The following CD84 variants were observed in gnomAD, a reference collection of about 807,000 sequenced individuals.
CD84 encodes the protein CD84 molecule.
CD84 carries 22 observed loss-of-function variants against 33.8 expected under a neutral mutation model. That is an observed-to-expected ratio of 0.65 (90% CI 0.46 to 0.93). CD84 has a LOEUF of 0.93. CD84 is among the 40% of genes least tolerant of loss of function. CD84 has a pLI of 0.00. For missense variants in CD84, 400 were observed against 397.6 expected (o/e 1.01, Z -0.05); for synonymous variants, 154 against 145.2 (o/e 1.06, Z -0.44).
At chr1:160,572,409 G>T (rs1263986669) in intron 1 of CD84, among the ~76,000 whole-genome samples, 1 of 152,166 alleles carries the variant, frequency 6.6e-6, no homozygotes, top group Non-Finnish European at 1.5e-5. Flanking sequence ...AGGAATATTT[G>T]AACGTAGCTG....
At chr1:160,576,211 G>C (rs889502369) in intron 1 of CD84, among the ~76,000 whole-genome samples, 2 of 151,942 alleles carry the variant, frequency 1.3e-5, no homozygotes, top group East Asian at 1.9e-4. Flanking sequence ...TGATGGTTGG[G>C]GTCCAGTTAC....
chr1:160,550,534 T>C, intron 5 of CD84: 1 of 777,106 alleles, frequency 1.3e-6, no homozygotes. Context: ...TCAAGGGAAC[T>C]TGTCTGTCAG....
chr1:160,576,380 G>C (rs1657992830), intron 1 of CD84, among the ~76,000 whole-genome samples: 1 of 152,174 alleles, frequency 6.6e-6, no homozygotes. Flanking sequence ...ATATTAAAGT[G>C]AACGGTATTT....
At chr1:160,552,871 T>G (rs1656328337) in intron 4 of CD84, 1 of 689,048 alleles carries the variant, frequency 1.5e-6, no homozygotes, top group Non-Finnish European at 2.7e-6. Flanking sequence ...AATGATTCCT[T>G]GAGGGTCTAA....
rs2102107369 is a variant in CD84 at position 160,544,639 on chromosome 1, C to T, written c.*3617G>A. 6.6e-6 allele frequency: 1 copy of T among 152,258 alleles called. No individual in the cohort carries two copies. Among genetic ancestry groups the T allele is most frequent in the South Asian group, 2.1e-4 (1 of 4,812 alleles). The allele number at this position is 152,258 out of a possible 1,614,324, so 9.4% of individuals were successfully genotyped here. On this transcript the variant is annotated 3_prime_UTR_variant, in exon 7 of 7. Transcript: ENST00000368054. ...TGGACACGGCCCAAACCAGACAGGC[C>T]CCTTCCTGCCTGTGCCCGATTTCCA...
intron 6 of CD84, 76 bp from the exon 7 acceptor site, chr1:160,548,397 A>G (rs1655963008): frequency 6.6e-7 from 1 of 1,507,210 alleles, no homozygotes; most frequent in Non-Finnish European, 9.2e-7. Flanking sequence ...AAGTTCCCAG[A>G]GGAGTTAAGC....
Position 160,546,955 on chromosome 1 carries a change from C to A in CD84, c.*1301G>T, listed in dbSNP as rs1361819819. On this transcript the variant is annotated 3_prime_UTR_variant, in exon 7 of 7. Transcript: ENST00000368054. ...ATGTCTTTATCTGCCTAATTGCAGCCCATTGCTGTCCAGCCTAGGACTATT... is the reference window on the plus strand; with the variant it reads ...ATGTCTTTATCTGCCTAATTGCAGCACATTGCTGTCCAGCCTAGGACTATT... The A allele has an allele frequency of 2.5e-6, 1 of 394,524 alleles. No homozygotes were observed. The highest frequency in any genetic ancestry group is 4.5e-6 in the Non-Finnish European group (1 of 224,102). The allele number at this position is 394,524 out of a possible 1,614,324, so 24.4% of individuals were successfully genotyped here. A position where few individuals can be genotyped will look rare whatever the true frequency, so the allele number is the denominator to read the frequency against.
At chr1:160,571,503 A>G (rs959848319) in intron 1 of CD84, 4 of 152,228 alleles carry the variant, frequency 2.6e-5, no homozygotes, top group Non-Finnish European at 5.9e-5. Context: ...ATGTAGTACA[A>G]GTAAGACAAC....
At chr1:160,553,674 G>A (rs1458893080) in intron 3 of CD84, 177 bp from the exon 4 acceptor site, 1 of 955,390 alleles carries the variant, frequency 1.0e-6, no homozygotes, top group Non-Finnish European at 1.5e-6. Context: ...TTGAATCAGA[G>A]AGTTGATCAG....
intron 2 of CD84, among the ~76,000 whole-genome samples, chr1:160,556,548 A>T (rs920348923): frequency 6.6e-6 from 1 of 152,280 alleles, no homozygotes; most frequent in Non-Finnish European, 1.5e-5. Flanking sequence ...AGCTGGCTAC[A>T]GCCACTGCCT....
chr1:160,563,486 T>A (rs1657122916), intron 2 of CD84, among the ~76,000 whole-genome samples: 1 of 152,092 alleles, frequency 6.6e-6, no homozygotes, highest in Admixed American at 6.6e-5. Flanking sequence ...CTCAGCAAAC[T>A]AATGCAGGAA....
At position 160,565,747 on chromosome 1, in the gene CD84, T is replaced by G; in HGVS notation, c.47-2A>C. The G allele has an allele frequency of 6.3e-7, 1 of 1,579,448 alleles. No homozygotes were observed. The highest frequency in any genetic ancestry group is 8.6e-7 in the Non-Finnish European group (1 of 1,165,230). On this transcript the variant is annotated splice_acceptor_variant, in intron 1 of 6. Transcript: ENST00000368054. LOFTEE classifies it high-confidence loss of function. ...AGTCTTTTCCAGCTGCTTCCGGCCC[T>G]GAGAACATAAAAAGAAAACTGTAGC...
In CD84 at chr1:160,541,760, TG is replaced by T. The variant is rs1488721957; in HGVS notation, c.*6495del. The T allele has an allele frequency of 6.6e-6, 1 of 152,196 alleles. No homozygotes were observed. Among genetic ancestry groups the T allele is most frequent in the Non-Finnish European group, 1.5e-5 (1 of 68,048 alleles). 9.4% of individuals were successfully genotyped at this position (152,196 alleles called of 1,614,324 possible). A position where few individuals can be genotyped will look rare whatever the true frequency, so the allele number is the denominator to read the frequency against. ...GCCTGGAAGGTCTGATGGGTCAGATTGCTAAGGAGTGTGGTTCCCCAGGAAA... is the reference window on the plus strand; with the variant it reads ...GCCTGGAAGGTCTGATGGGTCAGATTCTAAGGAGTGTGGTTCCCCAGGAAA... On this transcript the variant is annotated 3_prime_UTR_variant, in exon 7 of 7. Transcript: ENST00000368054.
intron 4 of CD84, chr1:160,553,141 G>T: frequency 1.5e-6 from 1 of 663,214 alleles, no homozygotes. Context: ...TACTAAGCTC[G>T]AACCCATGTT....
intron 2 of CD84, among the ~76,000 whole-genome samples, chr1:160,554,885 C>A (rs74124864): frequency 0.017 from 2,488 of 145,174 alleles, 83 homozygotes; most frequent in African/African-American, 0.067. Context: ...CTAGTGCCCT[C>A]TCAGCAAAAT....
At chr1:160,567,333 A>G (rs1262625830) in intron 1 of CD84, among the ~76,000 whole-genome samples, 2 of 152,182 alleles carry the variant, frequency 1.3e-5, no homozygotes, top group African/African-American at 4.8e-5. Flanking sequence ...CTCAGCAACC[A>G]CTGAAAGAGC....
At position 160,551,893 on chromosome 1, in the gene CD84, C is replaced by T. The variant is rs116464463; in HGVS notation, c.761-858G>A. On this transcript the variant is annotated intron_variant, in intron 4 of 6. Coordinates refer to ENST00000368054, the MANE Select transcript of CD84 (RefSeq NM_003874.4). ...TATTAAGCACCTTCTATGTGCCAGG[C>T]TCTGTGTGAGGCCCCAGAGAAGAAA... 2.1e-3 allele frequency among the ~76,000 whole-genome samples: 327 copies of T among 152,330 alleles called. 1 individual carries two copies. The highest frequency in any genetic ancestry group is 3.2e-3 in the Non-Finnish European group (217 of 68,036).
chr1:160,542,729 T>A lies in CD84; in HGVS notation c.*5527A>T, dbSNP rs1367033823. The stretch of plus-strand genomic sequence containing the variant: ...AGTTAATAATTATCATCCATTCCTT[T>A]ATGAATTCCCAAAGTCTGCAAGTCT... On this transcript the variant is annotated 3_prime_UTR_variant, in exon 7 of 7. Transcript: ENST00000368054. The A allele has an allele frequency of 1.3e-5, 2 of 152,220 alleles. No individual in the cohort carries two copies. Among genetic ancestry groups the A allele is most frequent in the Non-Finnish European group, 2.9e-5 (2 of 68,026 alleles). 9.4% of individuals were successfully genotyped at this position (152,220 alleles called of 1,614,324 possible).
intron 1 of CD84, among the ~76,000 whole-genome samples, chr1:160,572,599 G>A (rs1259411438): frequency 6.6e-6 from 1 of 152,014 alleles, no homozygotes; most frequent in African/African-American, 2.4e-5. Flanking sequence ...GTTACTATAA[G>A]GAACACCATA....
Sources: gnomAD v4.1 joint callset for allele counts (sites outside exome capture counted in the v4.1 genomes callset) on GRCh38, gnomAD v4.1.1 for gene constraint, MANE v1.5 for transcripts, NCBI Gene and HGNC (gene_info 2026-07-23, HGNC 2026-07-21) for gene names.